The following EIF4G1 variants were observed in gnomAD, a reference collection of about 807,000 sequenced individuals.
The protein encoded by EIF4G1 is EIF4-gamma.
A neutral mutation model predicts 187.8 loss-of-function variants in EIF4G1; 4 were observed. The observed-to-expected ratio is 0.02, with a 90% confidence interval of 0.01 to 0.05. The LOEUF is 0.05. EIF4G1 is among the 10% of genes least tolerant of loss of function. The pLI, the probability that EIF4G1 is intolerant of heterozygous loss-of-function variation, is 1.00. For missense variants in EIF4G1, 1,647 were observed against 2,081.1 expected (o/e 0.79, Z 4.06); for synonymous variants, 844 against 781.4 (o/e 1.08, Z -1.34).
chr3:184,331,903 G>A (rs768314480), intron 31 of EIF4G1, 43 bp from the exon 32 acceptor site: 51 of 1,614,028 alleles, frequency 3.2e-5, no homozygotes, highest in Non-Finnish European at 3.5e-5. Flanking sequence ...GTTCTGAACC[G>A]GGGTAAGGGT....
Position 184,327,925 on chromosome 3 carries a change from T to A in EIF4G1, c.3876T>A (p.Ile1292=). 1.2e-6 allele frequency: 2 copies of A among 1,613,092 alleles called. No individual in the cohort carries two copies. Among genetic ancestry groups the A allele is most frequent in the Non-Finnish European group, 1.7e-6 (2 of 1,180,036 alleles). The change falls in exon 26 of 33, where the codon ATT becomes ATA. Residue 1292 remains isoleucine (I), a synonymous_variant. Coordinates refer to ENST00000346169, the MANE Select transcript of EIF4G1 (RefSeq NM_198241.3). ...GVESTLERSA[I]AREHMGQLLH... is the part of the protein sequence containing the mutation. ...AGTCTACGCTGGAGCGCAGTGCCAT[T>A]GCTCGTGAGCATATGGGGCAGCTGC...
chr3:184,315,327 C>T (rs1376176159), intron 1 of EIF4G1, 162 bp from the exon 2 acceptor site: 2 of 508,300 alleles, frequency 3.9e-6, no homozygotes, highest in African/African-American at 1.9e-5. Context: ...CTGGGCCAGG[C>T]CCGAACCCGG....
chr3:184,326,455 T>G, intron 21 of EIF4G1, 72 bp from the exon 22 acceptor site: 1 of 1,520,532 alleles, frequency 6.6e-7, no homozygotes, highest in Non-Finnish European at 9.1e-7. Flanking sequence ...CCTGTTTGGT[T>G]GCATATGGTG....
chr3:184,333,337 AAAG>A (rs1726499172), intron 32 of EIF4G1, among the ~76,000 whole-genome samples: 1 of 152,132 alleles, frequency 6.6e-6, no homozygotes, highest in Admixed American at 6.6e-5. Flanking sequence ...TCCTTTTGGA[AAAG>A]AAGAGATCAG....
At chr3:184,317,568 C>T (rs1723015055) in intron 5 of EIF4G1, 71 bp downstream of exon 5, 9 of 1,590,548 alleles carry the variant, frequency 5.7e-6, no homozygotes, top group African/African-American at 2.7e-5. Flanking sequence ...CCTGACCCTC[C>T]AGTTCCATTG....
At chr3:184,326,734 C>A in intron 22 of EIF4G1, 105 bp downstream of exon 22, 3 of 1,484,096 alleles carry the variant, frequency 2.0e-6, no homozygotes, top group Non-Finnish European at 2.8e-6. Context: ...TTAGGCAATG[C>A]GGGCAATAGA....
At chr3:184,328,530 T>A (rs1266435518) in intron 26 of EIF4G1, 101 bp from the exon 27 acceptor site, 2 of 1,531,938 alleles carry the variant, frequency 1.3e-6, no homozygotes, top group African/African-American at 2.7e-5. Flanking sequence ...TAGAAAATGT[T>A]CCTGGGGGTT....
In EIF4G1 at chr3:184,325,157, G is replaced by A. The variant is rs754949734; in HGVS notation, c.2856+43G>A. On this transcript the variant is annotated intron_variant, in intron 18 of 32. Coordinates refer to ENST00000346169, the MANE Select transcript of EIF4G1 (RefSeq NM_198241.3). This position sits in a 1 kb window ranked among gnomAD's most constrained non-coding sequence, Gnocchi z 5.2. The stretch of plus-strand genomic sequence containing the variant: ...TGGAGGGGGATGGGCTGAAGCATAT[G>A]TGGGGCTCACTGAGCCCACAATGAT... 9 of 1,607,454 alleles carry A rather than the reference G, an allele frequency of 5.6e-6. No individual in the cohort carries two copies. In the East Asian group the frequency reaches 1.6e-4, roughly 28 times the overall value.
Position 184,334,710 on chromosome 3 carries a change from G to C in EIF4G1, c.4619-17G>C, listed in dbSNP as rs913899982. ...CGGTGGCCAGTCACCTCTAACTGCT[G>C]TCCCGCCTGCTTGCAGACCTGCTGC... is the stretch of plus-strand genomic sequence containing the variant. On this transcript the variant is annotated splice_polypyrimidine_tract_variant and intron_variant, in intron 32 of 32. Transcript: ENST00000346169. This position sits in a 1 kb window ranked among gnomAD's most constrained non-coding sequence, Gnocchi z 5.8. 8 of 1,614,144 alleles carry C rather than the reference G, an allele frequency of 5.0e-6. No individual in the cohort carries two copies. Among genetic ancestry groups the C allele is most frequent in the African/African-American group, 1.3e-5 (1 of 75,046 alleles).
At chr3:184,326,712 A>G (rs1724991885) in intron 22 of EIF4G1, 83 bp downstream of exon 22, 3 of 1,540,666 alleles carry the variant, frequency 1.9e-6, no homozygotes, top group Non-Finnish European at 2.7e-6. Context: ...GGAGGCCTTC[A>G]GTACAAGGTG....
chr3:184,316,140 T>C lies in EIF4G1; in HGVS notation c.69T>C (p.Phe23=). The change falls in exon 4 of 33, where the codon TTT becomes TTC. Residue 23 remains phenylalanine (F), a synonymous_variant. Coordinates refer to ENST00000346169, the MANE Select transcript of EIF4G1 (RefSeq NM_198241.3). ...APSPGLPQPA[F]PPGQTAPVVF... is the part of the protein sequence containing the mutation. ...TGGTCTCCCCTCTTCAGCCAGCGTTTCCCCCGGGGCAGACAGCGCCGGTGG... is the reference window on the plus strand; with the variant it reads ...TGGTCTCCCCTCTTCAGCCAGCGTTCCCCCCGGGGCAGACAGCGCCGGTGG... 3 of 1,614,048 alleles carry C rather than the reference T, an allele frequency of 1.9e-6. No individual in the cohort carries two copies. The highest frequency in any genetic ancestry group is 2.5e-6 in the Non-Finnish European group (3 of 1,179,988).
At position 184,334,178 on chromosome 3, in the gene EIF4G1, CTTGAG is replaced by C. The variant is rs776363987; in HGVS notation, c.4619-542_4619-538del. ...AGAAAGAGGGCCCGAACAGGTGATG[CTTGAG>C]TTGAGTCCTGAAGGAACAAGACACG... On this transcript the variant is annotated intron_variant, in intron 32 of 32. Coordinates refer to ENST00000346169, the MANE Select transcript of EIF4G1 (RefSeq NM_198241.3). The surrounding 1 kb of genome is among the most constrained non-coding windows in gnomAD (Gnocchi z 5.8). Among the ~76,000 whole-genome samples the C allele has an allele frequency of 5.9e-5, 9 of 152,016 alleles. No homozygotes were observed. Among genetic ancestry groups the C allele is most frequent in the Non-Finnish European group, 8.8e-5 (6 of 67,998 alleles).
intron 2 of EIF4G1, 38 bp from the exon 3 acceptor site, chr3:184,315,725 G>C: frequency 2.0e-6 from 3 of 1,501,204 alleles, no homozygotes; most frequent in Non-Finnish European, 2.7e-6. Flanking sequence ...TTAAGCTTGG[G>C]TCCCTTCCTC....
chr3:184,316,071 G>C (rs1722723008), intron 3 of EIF4G1, 61 bp from the exon 4 acceptor site: 2 of 1,607,560 alleles, frequency 1.2e-6, no homozygotes, highest in Non-Finnish European at 1.7e-6. Flanking sequence ...TATTTCACCA[G>C]CTTGGGTTTC....
intron 4 of EIF4G1, chr3:184,316,858 A>T: frequency 9.7e-7 from 1 of 1,027,676 alleles, no homozygotes; most frequent in Non-Finnish European, 1.5e-6. Context: ...CCAGGTTCTC[A>T]GTTGGAGGCC....
chr3:184,330,338 C>T (rs1725805876), intron 28 of EIF4G1, among the ~76,000 whole-genome samples: 2 of 152,064 alleles, frequency 1.3e-5, no homozygotes, highest in African/African-American at 4.8e-5. Context: ...AAGATTGTGC[C>T]ACTGCACTCC....
At position 184,334,665 on chromosome 3, in the gene EIF4G1, CCTGGGGTGGG is replaced by C. The variant is rs1389476477; in HGVS notation, c.4619-52_4619-43del. 2 of 1,608,554 alleles carry C rather than the reference CCTGGGGTGGG, an allele frequency of 1.2e-6. No homozygotes were observed. The highest frequency in any genetic ancestry group is 1.7e-6 in the Non-Finnish European group (2 of 1,175,910). Reference sequence around the variant, plus strand: ...TGAACAGTGGAACTTGGGAGGGTTCCCTGGGGTGGGCTGGGGTGGCGGTGGCCAGTCACCT... The same window carrying C: ...TGAACAGTGGAACTTGGGAGGGTTCCCTGGGGTGGCGGTGGCCAGTCACCT... On this transcript the variant is annotated intron_variant, in intron 32 of 32. Transcript: ENST00000346169. The surrounding 1 kb of genome is among the most constrained non-coding windows in gnomAD (Gnocchi z 5.8).
chr3:184,320,700 C>T lies in EIF4G1; in HGVS notation c.608C>T (p.Ala203Val), dbSNP rs369006150. The change falls in exon 8 of 33, where the codon GCC becomes GTC. Residue 203 changes from alanine (A) to valine (V), a missense_variant. Ala to Val is a moderately conservative substitution (Grantham distance 64, BLOSUM62 0). Around this residue, in one of 11 missense-constraint regions of EIF4G1, gnomAD observed 18 missense variants for 22.5 expected, o/e 0.80. Coordinates refer to ENST00000346169, the MANE Select transcript of EIF4G1 (RefSeq NM_198241.3). Reference protein sequence around the residue: ...TEEIMSGARTASTPTPPQTGG... With the variant: ...TEEIMSGARTVSTPTPPQTGG... ...GAGATCATGTCTGGGGCCCGCACTGCCTCCACACCCACCCCTCCCCAGGTA... is the reference window on the plus strand; with the variant it reads ...GAGATCATGTCTGGGGCCCGCACTGTCTCCACACCCACCCCTCCCCAGGTA... 1.2e-5 allele frequency: 20 copies of T among 1,614,038 alleles called. No homozygotes were observed. The highest frequency in any genetic ancestry group is 1.5e-5 in the Non-Finnish European group (18 of 1,180,032).
intron 28 of EIF4G1, 45 bp downstream of exon 28, chr3:184,329,035 T>A (rs774709365): frequency 6.2e-7 from 1 of 1,610,012 alleles, no homozygotes; most frequent in Non-Finnish European, 8.5e-7. Context: ...ACGGTGTGGT[T>A]TTGGCTGTTT....
Sources: gnomAD v4.1 joint callset for allele counts (sites outside exome capture counted in the v4.1 genomes callset) on GRCh38, gnomAD v4.1.1 for gene constraint, gnomAD v4.1.1 regional missense constraint, Gnocchi (gnomAD v3.1) non-coding constraint, MANE v1.5 for transcripts, NCBI Gene and HGNC (gene_info 2026-07-23, HGNC 2026-07-21) for gene names.